GALC: variants seen among roughly 807,000 people sequenced by gnomAD.
GALC encodes galactosylceramidase.
In GALC, 77 loss-of-function variants were observed where a neutral mutation model predicts 91.8. The observed-to-expected ratio is 0.84, with a 90% CI of 0.70 to 1.01. GALC has a LOEUF of 1.01. Ranked by LOEUF, GALC falls within the 50% of genes least tolerant of loss-of-function variation. The probability of loss-of-function intolerance (pLI) is 0.00; values close to 1 mark genes in which losing one functional copy is unlikely to be tolerated. For missense variants in GALC, 882 were observed against 855.9 expected (o/e 1.03, Z -0.38); for synonymous variants, 357 against 306.7 (o/e 1.16, Z -1.71).
chr14:87,947,598 T>C, intron 13 of GALC, 130 bp downstream of exon 13: 1 of 864,806 alleles, frequency 1.2e-6, no homozygotes, highest in South Asian at 1.4e-5. Context: ...TTTTACCGCA[T>C]ATGAGATGTA....
chr14:87,968,453 T>C lies in GALC; in HGVS notation c.790A>G (p.Lys264Glu), dbSNP rs1449959007. 2.5e-6 allele frequency: 4 copies of C among 1,613,844 alleles called. No homozygotes were observed. The highest frequency in any genetic ancestry group is 3.4e-6 in the Non-Finnish European group (4 of 1,179,906). The part of the protein sequence containing the change: ...YPGTHSAKDA[K>E]LTGKKLWSSE... The stretch of plus-strand genomic sequence containing the variant: ...GACCAAAGCTTCTTCCCAGTCAACT[T>C]TGCATCTTTTGCTGAATGGGTTCCA... The change falls in exon 8 of 17, where the codon AAG becomes GAG. Residue 264 changes from lysine to glutamate, a missense_variant. Physicochemically the swap from Lys to Glu is moderately conservative, Grantham distance 56. Transcript: ENST00000261304.
rs912151962 is a variant in GALC at position 87,973,144 on chromosome 14, A to T, written c.752+3214T>A. On this transcript the variant is annotated intron_variant, in intron 7 of 16. Coordinates refer to ENST00000261304, the MANE Select transcript of GALC (RefSeq NM_000153.4). The stretch of plus-strand genomic sequence containing the variant: ...TATATTTACACATATTTGAGAATTA[A>T]AAAAGGATTATATCCAGTCAAACTG... Among the ~76,000 whole-genome samples, 3 of 152,184 alleles carry T rather than the reference A, an allele frequency of 2.0e-5. No homozygotes were observed. In the South Asian group the frequency reaches 6.2e-4, roughly 31 times the overall value.
chr14:87,978,180 T>C (rs1886584799), intron 6 of GALC, among the ~76,000 whole-genome samples: 1 of 152,116 alleles, frequency 6.6e-6, no homozygotes. Context: ...GCCTCTCAAG[T>C]AGCTGGGATT....
intron 7 of GALC, among the ~76,000 whole-genome samples, chr14:87,968,884 C>G (rs1653349434): frequency 6.6e-6 from 1 of 152,072 alleles, no homozygotes; most frequent in Non-Finnish European, 1.5e-5. Context: ...ATTCAGACTT[C>G]CCAGGGGAAG....
intron 13 of GALC, 104 bp from the exon 14 acceptor site, chr14:87,945,837 T>C: frequency 1.2e-5 from 10 of 860,892 alleles, no homozygotes; most frequent in Middle Eastern, 3.4e-4. Context: ...AGCTTTTAAA[T>C]AAATAAATAA....
In GALC at chr14:87,945,579, T is replaced by A; in HGVS notation, c.1644A>T (p.Thr548=). The A allele has an allele frequency of 6.2e-7, 1 of 1,607,772 alleles. No individual in the cohort carries two copies. Residue 548 remains threonine, a synonymous_variant, in exon 14 of 17, where the codon ACA becomes ACT. Transcript: ENST00000261304. ...PITWAADASN[T]ISIIGDYNWT... ...AGTTGTAGTCTCCTATAATACTGAT[T>A]GTGTTGGATGCATCGGCAGCCCATG...
chr14:87,983,673 G>T (rs1886842926), intron 5 of GALC, among the ~76,000 whole-genome samples: 1 of 152,220 alleles, frequency 6.6e-6, no homozygotes, highest in Admixed American at 6.5e-5. Flanking sequence ...GACCCACTAT[G>T]TGTGTGTTAA....
chr14:87,988,383 A>G, intron 2 of GALC, 72 bp downstream of exon 2: 1 of 1,293,206 alleles, frequency 7.7e-7, no homozygotes, highest in Non-Finnish European at 1.1e-6. Flanking sequence ...AGGCTAATAA[A>G]TTCTATGGTG....
rs1259881438 is a variant in GALC at position 87,968,498 on chromosome 14, A to T, written c.753-8T>A. 6.2e-7 allele frequency: 1 copy of T among 1,613,810 alleles called. No individual in the cohort carries two copies. On this transcript the variant is annotated splice_polypyrimidine_tract_variant and splice_region_variant and intron_variant, in intron 7 of 16. Coordinates refer to ENST00000261304, the MANE Select transcript of GALC (RefSeq NM_000153.4). ...GTTCCAGGATAATGAGCCCTAGAAA[A>T]AAAAAGGGTGGAAGTCAATGAAAAA...
intron 4 of GALC, among the ~76,000 whole-genome samples, chr14:87,985,911 C>T (rs367720703): frequency 3.3e-5 from 5 of 152,226 alleles, no homozygotes; most frequent in South Asian, 4.1e-4. Flanking sequence ...GAATTGGGGA[C>T]GGGATTGGCT....
rs1172670344 is a variant in GALC, at chr14:87,976,435, T to C, written c.675A>G (p.Ala225=). Residue 225 remains alanine (A), a synonymous_variant, in exon 7 of 17, where the codon GCA becomes GCG. Transcript: ENST00000261304. Reference sequence around the variant, plus strand: ...AGATGGACTCCCAGAGATTATCACTTGCTATGATTTTCACTCGCTGGAGAC... The same window carrying C: ...AGATGGACTCCCAGAGATTATCACTCGCTATGATTTTCACTCGCTGGAGAC... ...YQGLQRVKII[A]SDNLWESISA... is the part of the protein sequence containing the mutation. 6 of 1,613,594 alleles carry C rather than the reference T, an allele frequency of 3.7e-6. No homozygotes were observed. The highest frequency in any genetic ancestry group is 5.1e-6 in the Non-Finnish European group (6 of 1,179,462).
chr14:87,992,322 G>GA, intron 1 of GALC: 2 of 1,535,724 alleles, frequency 1.3e-6, no homozygotes, highest in Non-Finnish European at 8.7e-7. Context: ...CGGCCACCAT[G>GA]AAGCCCATGG....
intron 6 of GALC, chr14:87,981,148 C>A (rs892502532): frequency 6.6e-6 from 1 of 152,204 alleles, no homozygotes; most frequent in Non-Finnish European, 1.5e-5. Flanking sequence ...GCATTAATGG[C>A]ATTTGCAGCA....
rs74887188 is a variant in GALC at position 87,965,625 on chromosome 14, T to C, written c.913A>G (p.Ile305Val). The C allele has an allele frequency of 3.6e-3, 5,807 of 1,613,152 alleles. 283 individuals are homozygous for C. In the East Asian group the frequency reaches 0.11, roughly 30 times the overall value. Residue 305 changes from isoleucine to valine, a missense_variant, in exon 9 of 17, where the codon ATC becomes GTC. Physicochemically the swap from Ile to Val is conservative, Grantham distance 29. Coordinates refer to ENST00000261304, the MANE Select transcript of GALC (RefSeq NM_000153.4). ...TAACTAGCCACTAAATTCCATGCGATTGTGCTAAAAGATTTGATAAAAAAG... is the reference window on the plus strand; with the variant it reads ...TAACTAGCCACTAAATTCCATGCGACTGTGCTAAAAGATTTGATAAAAAAG... ...NYINGYMTST[I>V]AWNLVASYYE...
intron 1 of GALC, 88 bp downstream of exon 1, chr14:87,992,882 G>A (rs2139768746): frequency 1.4e-6 from 2 of 1,412,000 alleles, no homozygotes; most frequent in East Asian, 2.9e-5. Context: ...CGGTGGAAAC[G>A]CAGGGCAACG....
At chr14:87,991,484 G>A (rs568209644) in intron 1 of GALC, among the ~76,000 whole-genome samples, 12 of 152,324 alleles carry the variant, frequency 7.9e-5, no homozygotes, top group Admixed American at 4.6e-4. Flanking sequence ...TTACAGGCGT[G>A]AGCCACCGTG....
In GALC at chr14:87,992,784, C is replaced by T; in HGVS notation, c.195+186G>A. On this transcript the variant is annotated intron_variant, in intron 1 of 16. Transcript: ENST00000261304. Reference sequence around the variant, plus strand: ...AACTGCCTGTCTGGTTCGTGTTAAACGAGAAAGCACCCGCCCCAGCCCCGC... The same window carrying T: ...AACTGCCTGTCTGGTTCGTGTTAAATGAGAAAGCACCCGCCCCAGCCCCGC... The T allele has an allele frequency of 2.8e-6, 4 of 1,412,234 alleles. No individual in the cohort carries two copies. The African/African-American group carries it at 4.3e-5, about 15-fold the overall frequency. The allele number at this position is 1,412,234 out of a possible 1,614,324, so 87.5% of individuals were successfully genotyped here. A position where few individuals can be genotyped will look rare whatever the true frequency, so the allele number is the denominator to read the frequency against.
chr14:87,968,047 A>G (rs1886127767), intron 8 of GALC, among the ~76,000 whole-genome samples: 1 of 152,180 alleles, frequency 6.6e-6, no homozygotes, highest in Admixed American at 6.6e-5. Context: ...TATTTACTTT[A>G]TAATTATTAA....
rs375838403 is a variant in GALC, at chr14:87,974,949, T to C, written c.752+1409A>G. Among the ~76,000 whole-genome samples the C allele has an allele frequency of 2.7e-4, 41 of 152,198 alleles. 1 individual carries two copies. In the East Asian group the frequency reaches 7.1e-3, roughly 26 times the overall value. On this transcript the variant is annotated intron_variant, in intron 7 of 16. Transcript: ENST00000261304. ...AGATACAGTAAAACCCATATTTTCA[T>C]GCAATATTTTTATAAGAAAATATAT...
Sources: gnomAD v4.1 joint callset for allele counts (sites outside exome capture counted in the v4.1 genomes callset) on GRCh38, gnomAD v4.1.1 for gene constraint, MANE v1.5 for transcripts, NCBI Gene and HGNC (gene_info 2026-07-23, HGNC 2026-07-21) for gene names.